Variants in GPC3 observed in about 807,000 individuals in gnomAD.
The protein encoded by GPC3 is glypican 3, also known as glypican-3.
In GPC3, 3 loss-of-function variants were observed where a neutral mutation model predicts 34.4. The ratio of observed to expected loss-of-function variants is 0.09; its 90% confidence interval spans 0.04 to 0.23. The LOEUF (loss-of-function observed/expected upper bound fraction) is 0.23. Ranked by LOEUF, GPC3 falls within the 10% of genes least tolerant of loss-of-function variation. The pLI, the probability that GPC3 is intolerant of heterozygous loss-of-function variation, is 1.00. For missense variants in GPC3, 351 were observed against 445.6 expected (o/e 0.79, Z 1.91); for synonymous variants, 177 against 174.0 (o/e 1.02, Z -0.13).
At chrX:133,684,199 G>A (rs548409721) in intron 5 of GPC3, among the ~76,000 whole-genome samples, 188 of 112,090 alleles carry the variant, frequency 1.7e-3, no homozygotes, top group South Asian at 0.014. Flanking sequence ...CGGAAAAAAT[G>A]AAGTGTCATG....
At chrX:133,928,577 C>T (rs2076285059) in intron 2 of GPC3, among the ~76,000 whole-genome samples, 1 of 111,957 alleles carries the variant, frequency 8.9e-6, no homozygotes, top group Non-Finnish European at 1.9e-5. Flanking sequence ...TCCCTTTTCC[C>T]TACACCCTTG....
intron 2 of GPC3, among the ~76,000 whole-genome samples, chrX:133,795,379 C>T (rs1478741550): frequency 1.8e-5 from 2 of 111,904 alleles, no homozygotes; most frequent in Non-Finnish European, 3.8e-5. Flanking sequence ...AGTCTGCTTA[C>T]GCTTTGCTAG....
At chrX:133,584,104 G>A (rs1264722437) in intron 7 of GPC3, among the ~76,000 whole-genome samples, 1 of 112,199 alleles carries the variant, frequency 8.9e-6, no homozygotes, top group Non-Finnish European at 1.9e-5. Flanking sequence ...CACAAATACG[G>A]CTGCTAAAAG....
chrX:133,699,968 C>A lies in GPC3; in HGVS notation c.1093G>T (p.Asp365Tyr). ...RQYRSAYYPE[D>Y]LFIDKKVLKV... The stretch of plus-strand genomic sequence containing the variant: ...AATACTTTCTTGTCAATAAAGAGAT[C>A]TTCAGGATAATAAGCAGATCTATAT... The change falls in exon 4 of 8, where the codon GAT becomes TAT. Residue 365 changes from aspartate (D) to tyrosine (Y), a missense_variant. Physicochemically the swap from Asp to Tyr is radical, Grantham distance 160. Transcript: ENST00000370818. 8.4e-7 allele frequency: 1 copy of A among 1,194,773 alleles called. No homozygotes were observed. The highest frequency in any genetic ancestry group is 1.1e-6 in the Non-Finnish European group (1 of 880,984).
At chrX:133,887,762 T>C (rs1011474919) in intron 2 of GPC3, among the ~76,000 whole-genome samples, 21 of 111,776 alleles carry the variant, frequency 1.9e-4, no homozygotes, top group African/African-American at 6.8e-4. Flanking sequence ...AATCTGTAGG[T>C]TGCTTCTTCA....
chrX:133,936,589 T>C (rs2076324570), intron 2 of GPC3, among the ~76,000 whole-genome samples: 1 of 112,174 alleles, frequency 8.9e-6, no homozygotes, highest in African/African-American at 3.2e-5. Context: ...CACTGATCTT[T>C]TATCTTCTAG....
At chrX:133,939,773 A>C (rs1018372045) in intron 2 of GPC3, among the ~76,000 whole-genome samples, 5 of 111,640 alleles carry the variant, frequency 4.5e-5, no homozygotes, top group Non-Finnish European at 7.5e-5. Context: ...ATACCACTTA[A>C]ATTTGTTGAA....
intron 2 of GPC3, among the ~76,000 whole-genome samples, chrX:133,856,830 G>T (rs941417795): frequency 2.7e-5 from 3 of 111,885 alleles, no homozygotes; most frequent in Non-Finnish European, 5.6e-5. Flanking sequence ...TGAGTCTGTT[G>T]TACTGCCACA....
intron 5 of GPC3, 138 bp from the exon 6 acceptor site, chrX:133,661,988 CAT>C (rs1218529430): frequency 5.7e-5 from 35 of 610,046 alleles, no homozygotes; most frequent in Non-Finnish European, 8.7e-5. Context: ...GACCACTCCA[CAT>C]AGTGTCTATT....
At chrX:133,569,781 AGCAATTTCCATCTT>A (rs1418943773) in intron 7 of GPC3, among the ~76,000 whole-genome samples, 2 of 112,405 alleles carry the variant, frequency 1.8e-5, no homozygotes, top group Admixed American at 1.9e-4. Flanking sequence ...AGCTCTTAAG[AGCAATTTCCATCTT>A]GCATAATGAG....
At chrX:133,667,790 G>A (rs1227905021) in intron 5 of GPC3, among the ~76,000 whole-genome samples, 1 of 109,393 alleles carries the variant, frequency 9.1e-6, no homozygotes, top group Non-Finnish European at 1.9e-5. Flanking sequence ...CTGGGAGGTG[G>A]GGGTTGCAGT....
intron 2 of GPC3, among the ~76,000 whole-genome samples, chrX:133,894,463 T>C (rs2076102935): frequency 8.9e-6 from 1 of 112,010 alleles, no homozygotes; most frequent in African/African-American, 3.2e-5. Flanking sequence ...GGAAGGGTCT[T>C]TTGGTAACAG....
chrX:133,794,367 T>C (rs2075566218), intron 2 of GPC3, among the ~76,000 whole-genome samples: 1 of 111,938 alleles, frequency 8.9e-6, no homozygotes, highest in Admixed American at 9.5e-5. Flanking sequence ...TGCTTGAGAA[T>C]GTCCCTGAGC....
At chrX:133,906,059 T>C (rs759873066) in intron 2 of GPC3, among the ~76,000 whole-genome samples, 1 of 112,097 alleles carries the variant, frequency 8.9e-6, no homozygotes, top group Non-Finnish European at 1.9e-5. Context: ...CAAACCTAGA[T>C]TGTCTCCACA....
At chrX:133,574,316 G>A (rs1373377223) in intron 7 of GPC3, among the ~76,000 whole-genome samples, 1 of 110,819 alleles carries the variant, frequency 9.0e-6, no homozygotes, top group Non-Finnish European at 1.9e-5. Context: ...GAATTGTATG[G>A]TTATGTGAAT....
At chrX:133,730,550 T>A in intron 3 of GPC3, among the ~76,000 whole-genome samples, 1 of 111,759 alleles carries the variant, frequency 8.9e-6, no homozygotes, top group South Asian at 3.8e-4. Flanking sequence ...AAAACACAGA[T>A]CCGAAAATAT....
intron 3 of GPC3, among the ~76,000 whole-genome samples, chrX:133,733,026 C>T (rs1315520472): frequency 9.0e-6 from 1 of 110,980 alleles, no homozygotes; most frequent in East Asian, 2.9e-4. Context: ...CCACACCTGG[C>T]TAATTTTTGT....
chrX:133,655,815 C>T (rs781275533), intron 6 of GPC3, among the ~76,000 whole-genome samples: 1 of 111,998 alleles, frequency 8.9e-6, no homozygotes, highest in Admixed American at 9.5e-5. Flanking sequence ...TCATTTCAAA[C>T]ATTTTATTAA....
chrX:133,675,315 G>A (rs780225989), intron 5 of GPC3, among the ~76,000 whole-genome samples: 1 of 111,699 alleles, frequency 9.0e-6, no homozygotes, highest in East Asian at 2.8e-4. Context: ...AGCCAGTAGT[G>A]ACAAGGGCAG....
Sources: allele counts gnomAD v4.1 joint callset (sites outside exome capture counted in the v4.1 genomes callset), GRCh38; gene constraint gnomAD v4.1.1; transcripts MANE v1.5; gene names NCBI Gene and HGNC (gene_info 2026-07-23, HGNC 2026-07-21).